Variants in MYT1L observed in about 807,000 individuals in gnomAD.
MYT1L encodes the protein myelin transcription factor 1-like protein.
In MYT1L, 12 loss-of-function variants were observed where a neutral mutation model predicts 126.7. The ratio of observed to expected loss-of-function variants is 0.09; its 90% CI spans 0.06 to 0.15. The LOEUF (loss-of-function observed/expected upper bound fraction) is 0.15, where lower values mean the gene tolerates loss of function less well. Ranked by LOEUF, MYT1L falls within the 10% of genes least tolerant of loss-of-function variation. The probability of loss-of-function intolerance (pLI) is 1.00; values close to 1 mark genes in which losing one functional copy is unlikely to be tolerated. For missense variants in MYT1L, 979 were observed against 1,585.2 expected, an observed-to-expected ratio of 0.62 and a Z score of 6.49; for synonymous variants, 541 against 604.2, an observed-to-expected ratio of 0.90 and a Z score of 1.53.
At chr2:2,235,005 C>T (rs372186422) in intron 2 of MYT1L, among the ~76,000 whole-genome samples, 31 of 152,282 alleles carry the variant, frequency 2.0e-4, no homozygotes, top group African/African-American at 7.0e-4. Context: ...TTTCACTTTC[C>T]CTTTCTTTCT....
rs939751885 is a variant in MYT1L, at chr2:1,886,970, A to G, written c.2643-363T>C. ...CACTTAAAGGGTTGACACAGAATTCAACATTTTTACTTTGACAGCATTGTT... is the reference window on the plus strand; with the variant it reads ...CACTTAAAGGGTTGACACAGAATTCGACATTTTTACTTTGACAGCATTGTT... On this transcript the variant is annotated intron_variant, in intron 17 of 24. Transcript: ENST00000647738. The G allele has an allele frequency of 2.7e-5, 11 of 403,484 alleles. No individual in the cohort carries two copies. The East Asian group carries it at 3.6e-4, about 13-fold the overall frequency. The allele number at this position is 403,484 out of a possible 1,614,324, so 25.0% of individuals were successfully genotyped here. A position where few individuals can be genotyped will look rare whatever the true frequency, so the allele number is the denominator to read the frequency against.
At chr2:2,005,336 CTGTG>C (rs2063143281) in intron 4 of MYT1L, among the ~76,000 whole-genome samples, 2 of 149,292 alleles carry the variant, frequency 1.3e-5, no homozygotes, top group Non-Finnish European at 3.0e-5. Flanking sequence ...GCGTTCTTTC[CTGTG>C]TGCCTTTCCT....
intron 3 of MYT1L, among the ~76,000 whole-genome samples, chr2:2,103,130 C>T (rs964012125): frequency 1.3e-5 from 2 of 152,026 alleles, no homozygotes; most frequent in African/African-American, 4.8e-5. Flanking sequence ...AGAAAGCCTG[C>T]ATGTTTCCCT....
At chr2:2,196,514 A>T (rs2092804462) in intron 2 of MYT1L, among the ~76,000 whole-genome samples, 3 of 151,358 alleles carry the variant, frequency 2.0e-5, no homozygotes, top group Admixed American at 6.6e-5. Context: ...AATTACATTC[A>T]ATATATATAT....
chr2:1,830,554 A>G (rs1486337977), intron 21 of MYT1L, among the ~76,000 whole-genome samples: 1 of 151,840 alleles, frequency 6.6e-6, no homozygotes, highest in Non-Finnish European at 1.5e-5. Context: ...AAGGGCTCAC[A>G]GGGAGATGGG....
chr2:2,311,389 T>A (rs2095968075), intron 1 of MYT1L, among the ~76,000 whole-genome samples: 1 of 152,214 alleles, frequency 6.6e-6, no homozygotes, highest in Admixed American at 6.5e-5. Context: ...CCTTATCTAA[T>A]AAACATTCTC....
intron 15 of MYT1L, among the ~76,000 whole-genome samples, chr2:1,891,215 A>G (rs1001474167): frequency 6.6e-6 from 1 of 152,224 alleles, no homozygotes; most frequent in Admixed American, 6.5e-5. Flanking sequence ...AACCACTGTC[A>G]GTGTGGTCCA....
At position 1,912,190 on chromosome 2, in the gene MYT1L, C is replaced by T. The variant is rs2052114220; in HGVS notation, c.1619-80G>A. 2 of 1,010,624 alleles carry T rather than the reference C, an allele frequency of 2.0e-6. No individual in the cohort carries two copies. Among genetic ancestry groups the T allele is most frequent in the Non-Finnish European group, 2.9e-6 (2 of 693,222 alleles). 62.6% of individuals were successfully genotyped at this position (1,010,624 alleles called of 1,614,324 possible). A position where few individuals can be genotyped will look rare whatever the true frequency, so the allele number is the denominator to read the frequency against. On this transcript the variant is annotated intron_variant, in intron 11 of 24. Coordinates refer to ENST00000647738, the MANE Select transcript of MYT1L (RefSeq NM_001303052.2). The surrounding 1 kb of genome is among the most constrained non-coding windows in gnomAD (Gnocchi z 4.3). ...GGCACATGAAAATGCAGTCATTTAA[C>T]AAAGGCCAGGTCGCTCATGATAGAC...
intron 1 of MYT1L, chr2:2,324,531 A>C (rs182386625): frequency 6.5e-5 from 10 of 152,798 alleles, no homozygotes; most frequent in Middle Eastern, 6.8e-3. Context: ...TTCAGACAGG[A>C]AACTAACAGG....
intron 9 of MYT1L, among the ~76,000 whole-genome samples, chr2:1,941,357 T>C (rs1241598125): frequency 1.3e-5 from 2 of 152,228 alleles, no homozygotes; most frequent in Non-Finnish European, 2.9e-5. Context: ...ATCTTTCTAG[T>C]AAGCCCTGGG....
chr2:2,207,786 A>G (rs1304884017), intron 2 of MYT1L, among the ~76,000 whole-genome samples: 1 of 152,208 alleles, frequency 6.6e-6, no homozygotes, highest in Admixed American at 6.5e-5. Context: ...AAAGGATTAT[A>G]AATCCTTGAA....
intron 2 of MYT1L, among the ~76,000 whole-genome samples, chr2:2,255,225 C>G (rs1245048891): frequency 6.6e-6 from 1 of 152,202 alleles, no homozygotes; most frequent in Non-Finnish European, 1.5e-5. Flanking sequence ...GCTCCCCGTC[C>G]TGACAGCCTT....
intron 3 of MYT1L, among the ~76,000 whole-genome samples, chr2:2,077,679 G>T (rs1452427168): frequency 6.6e-6 from 1 of 152,156 alleles, no homozygotes; most frequent in Non-Finnish European, 1.5e-5. Flanking sequence ...GTAGTGTGAT[G>T]ACATCTTCAA....
intron 1 of MYT1L, among the ~76,000 whole-genome samples, chr2:2,296,061 A>G (rs1286980978): frequency 6.6e-6 from 1 of 152,202 alleles, no homozygotes; most frequent in Non-Finnish European, 1.5e-5. Flanking sequence ...TTAAAAACTC[A>G]GTAGGATAAA....
chr2:1,989,739 G>A (rs1182986547), intron 5 of MYT1L, among the ~76,000 whole-genome samples: 2 of 152,204 alleles, frequency 1.3e-5, no homozygotes, highest in African/African-American at 4.8e-5. Context: ...GCTCACACCT[G>A]TAATCCCAGC....
chr2:1,866,558 A>T (rs2045510981), intron 18 of MYT1L, among the ~76,000 whole-genome samples: 1 of 124,290 alleles, frequency 8.0e-6, no homozygotes, highest in Non-Finnish European at 1.7e-5. Context: ...GGAGAGAGGG[A>T]GAGGGAAGGG....
rs546882014 is a variant in MYT1L at position 2,330,994 on chromosome 2, C to G, written c.-548G>C. ...CACAATGACCACAACCGCTCACAAG[C>G]GAAAGACAAGTTCAATTTTGGTAAC... On this transcript the variant is annotated 5_prime_UTR_variant, in exon 1 of 25. Transcript: ENST00000647738. The G allele has an allele frequency of 6.6e-6, 1 of 151,998 alleles. No individual in the cohort carries two copies. Among genetic ancestry groups the G allele is most frequent in the Non-Finnish European group, 1.5e-5 (1 of 68,004 alleles). The allele number at this position is 151,998 out of a possible 1,614,324, so 9.4% of individuals were successfully genotyped here. A position where few individuals can be genotyped will look rare whatever the true frequency, so the allele number is the denominator to read the frequency against.
chr2:1,907,509 C>A (rs1558353433), intron 13 of MYT1L, among the ~76,000 whole-genome samples: 1 of 152,120 alleles, frequency 6.6e-6, no homozygotes, highest in Non-Finnish European at 1.5e-5. Flanking sequence ...GAAGCATAAT[C>A]CCCAAGCCTT....
At chr2:2,192,804 C>T (rs938238931) in intron 2 of MYT1L, among the ~76,000 whole-genome samples, 1 of 152,090 alleles carries the variant, frequency 6.6e-6, no homozygotes, top group Non-Finnish European at 1.5e-5. Context: ...CACAGAATGG[C>T]CCCTCCTTTA....
Sources: gnomAD v4.1 joint callset for allele counts (sites outside exome capture counted in the v4.1 genomes callset) on GRCh38, gnomAD v4.1.1 for gene constraint, Gnocchi (gnomAD v3.1) non-coding constraint, MANE v1.5 for transcripts, NCBI Gene and HGNC (gene_info 2026-07-23, HGNC 2026-07-21) for gene names.